The following BCAS3 variants were observed in gnomAD, a reference collection of about 807,000 sequenced individuals.
BCAS3 encodes BCAS4/BCAS3 fusion.
Under a neutral mutation model 116.1 loss-of-function variants are expected in BCAS3, and 53 were observed. The observed-to-expected ratio is 0.46, with a 90% CI of 0.37 to 0.57. The LOEUF (loss-of-function observed/expected upper bound fraction) is 0.57, where lower values mean the gene tolerates loss of function less well. Ranked by LOEUF, BCAS3 falls within the 20% of genes least tolerant of loss-of-function variation. BCAS3 has a pLI of 0.00. For missense variants in BCAS3, 917 were observed against 1,165.4 expected (o/e 0.79, Z 3.10); for synonymous variants, 391 against 408.2 (o/e 0.96, Z 0.51).
At chr17:60,746,118 G>C (rs1339389219) in intron 5 of BCAS3, among the ~76,000 whole-genome samples, 1 of 151,990 alleles carries the variant, frequency 6.6e-6, no homozygotes, top group Non-Finnish European at 1.5e-5. Flanking sequence ...TACATTGGTT[G>C]TAAGTTCTTT....
intron 5 of BCAS3, among the ~76,000 whole-genome samples, chr17:60,716,712 C>CAA (rs766398636): frequency 8.2e-4 from 103 of 126,362 alleles, no homozygotes; most frequent in African/African-American, 2.2e-3. Context: ...AAGACCCTCT[C>CAA]AAAAAAAAAA....
At chr17:61,071,624 C>A (rs2071435868) in intron 19 of BCAS3, among the ~76,000 whole-genome samples, 1 of 152,172 alleles carries the variant, frequency 6.6e-6, no homozygotes, top group African/African-American at 2.4e-5. Flanking sequence ...ACTGTTGGGA[C>A]TGTTCTAAGG....
rs1414714185 is a variant in BCAS3, at chr17:61,208,202, CT to C, written c.2425+123641del. On this transcript the variant is annotated intron_variant, in intron 22 of 23. Coordinates refer to ENST00000407086, the MANE Select transcript of BCAS3 (RefSeq NM_017679.5). The surrounding 1 kb of genome is among the most constrained non-coding windows in gnomAD (Gnocchi z 4.5). ...CAGAGACTAGTAACTTCCTATTCCA[CT>C]TTCCTGGGCTTGGTATTTTAGTTAT... 6.6e-6 allele frequency among the ~76,000 whole-genome samples: 1 copy of C among 152,240 alleles called. No individual in the cohort carries two copies. The highest frequency in any genetic ancestry group is 1.9e-4 in the East Asian group (1 of 5,186).
chr17:60,798,629 AT>A (rs1447427316), intron 6 of BCAS3, among the ~76,000 whole-genome samples: 3 of 152,262 alleles, frequency 2.0e-5, no homozygotes, highest in African/African-American at 7.2e-5. Context: ...GCAATTATAA[AT>A]AAAGCTGTCA....
At chr17:61,149,370 C>G (rs1180308276) in intron 22 of BCAS3, among the ~76,000 whole-genome samples, 1 of 151,866 alleles carries the variant, frequency 6.6e-6, no homozygotes, top group Non-Finnish European at 1.5e-5. Flanking sequence ...AATTGTATTG[C>G]TTGTTCAGTT....
rs2058784495 is a variant in BCAS3 at position 61,367,116 on chromosome 17, G to C, written c.2426-1211G>C. ...CAGCCCTCACTGCCTGGCGAAGATA[G>C]TTTCTGACGGCTGATCAAAGAGGAG... On this transcript the variant is annotated intron_variant, in intron 22 of 23. Transcript: ENST00000407086. This position sits in a 1 kb window ranked among gnomAD's most constrained non-coding sequence, Gnocchi z 6.2. 6.6e-6 allele frequency among the ~76,000 whole-genome samples: 1 copy of C among 152,230 alleles called. No individual in the cohort carries two copies. Among genetic ancestry groups the C allele is most frequent in the Non-Finnish European group, 1.5e-5 (1 of 68,042 alleles).
chr17:61,052,194 C>G (rs1464554484), intron 19 of BCAS3, among the ~76,000 whole-genome samples: 3 of 151,994 alleles, frequency 2.0e-5, no homozygotes, highest in Admixed American at 6.6e-5. Flanking sequence ...ACGTTGACCA[C>G]TTGGTACTTT....
At chr17:61,059,157 G>A (rs542304275) in intron 19 of BCAS3, among the ~76,000 whole-genome samples, 81 of 133,350 alleles carry the variant, frequency 6.1e-4, no homozygotes, top group African/African-American at 2.1e-3. Context: ...ATCTCGGCTC[G>A]CTGCAAGCTC....
intron 10 of BCAS3, among the ~76,000 whole-genome samples, chr17:60,900,723 A>G (rs550610362): frequency 6.6e-6 from 1 of 152,142 alleles, no homozygotes; most frequent in South Asian, 2.1e-4. Context: ...CTTTTGCTTA[A>G]CAATATTTCC....
chr17:60,893,629 G>A (rs560857777), intron 10 of BCAS3, among the ~76,000 whole-genome samples: 31 of 101,894 alleles, frequency 3.0e-4, no homozygotes, highest in African/African-American at 1.3e-3. Context: ...TTTTTTGCAC[G>A]ACAGAGTGTA....
At chr17:61,038,668 G>GTTTTTTTTTTTTTTT (rs1244364326) in intron 18 of BCAS3, among the ~76,000 whole-genome samples, 3 of 113,932 alleles carry the variant, frequency 2.6e-5, no homozygotes, top group Non-Finnish European at 5.6e-5. Flanking sequence ...TTTTGTTTTT[G>GTTTTTTTTTTTTTTT]TTTTTTTTTT....
intron 6 of BCAS3, among the ~76,000 whole-genome samples, chr17:60,777,510 C>T (rs569646642): frequency 9.2e-5 from 14 of 151,818 alleles, no homozygotes; most frequent in Admixed American, 5.2e-4. Flanking sequence ...CCTGTAATCC[C>T]AGCTACTCGG....
chr17:60,690,477 GGAGGATTGCTT>G (rs1332156620), intron 4 of BCAS3, among the ~76,000 whole-genome samples: 2 of 152,164 alleles, frequency 1.3e-5, no homozygotes, highest in South Asian at 2.1e-4. Flanking sequence ...GGCTGAGGTG[GGAGGATTGCTT>G]GAGCCTGGGA....
chr17:61,066,954 T>A (rs1438574538), intron 19 of BCAS3, among the ~76,000 whole-genome samples: 1 of 151,970 alleles, frequency 6.6e-6, no homozygotes, highest in Non-Finnish European at 1.5e-5. Flanking sequence ...ATCTTGCAAT[T>A]ATTATTTATA....
In BCAS3 at chr17:60,967,295, A is replaced by G. The variant is rs964518997; in HGVS notation, c.1221+19943A>G. On this transcript the variant is annotated intron_variant, in intron 14 of 23. Transcript: ENST00000407086. The surrounding 1 kb of genome is among the most constrained non-coding windows in gnomAD (Gnocchi z 4.7). The stretch of plus-strand genomic sequence containing the variant: ...ATACTTTATTTCCCCTTCATATTTC[A>G]AGTATAATTTTGCTGAATGCAATAT... Among the ~76,000 whole-genome samples, 6 of 152,152 alleles carry G rather than the reference A, an allele frequency of 3.9e-5. No individual in the cohort carries two copies. Among genetic ancestry groups the G allele is most frequent in the Non-Finnish European group, 7.3e-5 (5 of 68,032 alleles).
chr17:60,989,958 A>G lies in BCAS3; in HGVS notation c.1222-13A>G. The G allele has an allele frequency of 1.9e-6, 3 of 1,606,516 alleles. No homozygotes were observed. The highest frequency in any genetic ancestry group is 2.6e-6 in the Non-Finnish European group (3 of 1,174,322). ...TTGAGACATTTTTGTATCTTTTCTT[A>G]TCTCATTTCTAGGTACAGGACATCT... On this transcript the variant is annotated splice_polypyrimidine_tract_variant and intron_variant, in intron 14 of 23. Transcript: ENST00000407086.
intron 14 of BCAS3, among the ~76,000 whole-genome samples, chr17:60,979,947 C>G (rs950370398): frequency 6.6e-6 from 1 of 151,796 alleles, no homozygotes; most frequent in African/African-American, 2.4e-5. Flanking sequence ...GGATATTGGT[C>G]TAAAATTCTC....
intron 7 of BCAS3, among the ~76,000 whole-genome samples, chr17:60,815,371 T>C (rs929125365): frequency 3.3e-5 from 5 of 151,748 alleles, no homozygotes; most frequent in Admixed American, 6.6e-5. Flanking sequence ...TGCAGCACAC[T>C]AACATGGCGC....
chr17:60,715,582 G>A lies in BCAS3; in HGVS notation c.321+6257G>A, dbSNP rs535450702. Among the ~76,000 whole-genome samples, 138 of 152,048 alleles carry A rather than the reference G, an allele frequency of 9.1e-4. 1 individual carries two copies. Among genetic ancestry groups the A allele is most frequent in the African/African-American group, 3.3e-3 (137 of 41,494 alleles). On this transcript the variant is annotated intron_variant, in intron 5 of 23. Coordinates refer to ENST00000407086, the MANE Select transcript of BCAS3 (RefSeq NM_017679.5). ...CAGCTCACTGCAACCTCCGCCTCCT[G>A]GGTTCAAGCAATTCTCCTGCCTCAG...
Sources: gnomAD v4.1 joint callset for allele counts (sites outside exome capture counted in the v4.1 genomes callset) on GRCh38, gnomAD v4.1.1 for gene constraint, Gnocchi (gnomAD v3.1) non-coding constraint, MANE v1.5 for transcripts, NCBI Gene and HGNC (gene_info 2026-07-23, HGNC 2026-07-21) for gene names.